ERC2: variants seen among roughly 807,000 people sequenced by gnomAD.
ERC2 encodes the protein ELKS/RAB6-interacting/CAST family member 2.
In ERC2, 42 loss-of-function variants were observed where a neutral mutation model predicts 114.8. That is an observed-to-expected ratio of 0.37 (90% CI 0.29 to 0.47). The LOEUF (loss-of-function observed/expected upper bound fraction) is 0.47. ERC2 is among the 20% of genes least tolerant of loss of function. The probability of loss-of-function intolerance (pLI) is 0.99; values close to 1 mark genes in which losing one functional copy is unlikely to be tolerated. For synonymous variants in ERC2, 454 were observed against 425.5 expected, an observed-to-expected ratio of 1.07 and a Z score of -0.82; for missense variants, 939 against 1,150.7, an observed-to-expected ratio of 0.82 and a Z score of 2.66.
chr3:56,051,156 TTGCTC>T, intron 7 of ERC2, among the ~76,000 whole-genome samples: 1 of 152,270 alleles, frequency 6.6e-6, no homozygotes, highest in South Asian at 2.1e-4. Flanking sequence ...TACCAGAACT[TTGCTC>T]TGCTTGTTGG....
intron 14 of ERC2, among the ~76,000 whole-genome samples, chr3:55,876,414 G>A (rs1037563373): frequency 4.6e-5 from 7 of 152,132 alleles, no homozygotes; most frequent in African/African-American, 9.7e-5. Flanking sequence ...CAGGCCCTGC[G>A]CTGTGTTCTC....
At chr3:55,580,889 A>G (rs2057227906) in intron 17 of ERC2, among the ~76,000 whole-genome samples, 1 of 152,176 alleles carries the variant, frequency 6.6e-6, no homozygotes, top group South Asian at 2.1e-4. Flanking sequence ...CAAACCAGGG[A>G]AAGGGATGGG....
chr3:55,759,913 T>C (rs771743097), intron 14 of ERC2, among the ~76,000 whole-genome samples: 5 of 152,260 alleles, frequency 3.3e-5, no homozygotes, highest in Non-Finnish European at 5.9e-5. Context: ...AGCATTTTGG[T>C]TGAAGTTTCC....
Position 56,446,624 on chromosome 3 carries a change from T to C in ERC2, c.-140-11477A>G, listed in dbSNP as rs199864861. 5.4e-3 allele frequency among the ~76,000 whole-genome samples: 570 copies of C among 106,406 alleles called. 6 individuals carry two copies. Among genetic ancestry groups the C allele is most frequent in the African/African-American group, 0.019 (494 of 25,800 alleles). 69.8% of individuals were successfully genotyped at this position (106,406 alleles called of 152,430 possible). The stretch of plus-strand genomic sequence containing the variant: ...GCGCATTTTCTTCTTTTTTTTTTTT[T>C]CTTTCTTTTTTTTTTTTTTGAGACG... On this transcript the variant is annotated intron_variant, in intron 1 of 17. Coordinates refer to ENST00000288221, the MANE Select transcript of ERC2 (RefSeq NM_015576.3).
In ERC2 at chr3:56,173,409, G is replaced by A. The variant is rs540001016; in HGVS notation, c.1149+37C>T. ...CCACCAAGTTAGAACAAACTCCCAAGGCATAACTGTTTCTGACAAAAGTGC... is the reference window on the plus strand; with the variant it reads ...CCACCAAGTTAGAACAAACTCCCAAAGCATAACTGTTTCTGACAAAAGTGC... On this transcript the variant is annotated intron_variant, in intron 4 of 17. Coordinates refer to ENST00000288221, the MANE Select transcript of ERC2 (RefSeq NM_015576.3). The A allele has an allele frequency of 4.4e-6, 7 of 1,590,660 alleles. No individual in the cohort carries two copies. In the South Asian group the frequency reaches 7.7e-5, roughly 18 times the overall value.
chr3:55,825,000 G>A (rs1180950863), intron 14 of ERC2, among the ~76,000 whole-genome samples: 1 of 152,062 alleles, frequency 6.6e-6, no homozygotes, highest in Non-Finnish European at 1.5e-5. Context: ...ACTATTTTAT[G>A]ATGATTTACC....
At chr3:56,153,819 C>A (rs866961453) in intron 4 of ERC2, among the ~76,000 whole-genome samples, 2 of 151,980 alleles carry the variant, frequency 1.3e-5, no homozygotes, top group Non-Finnish European at 1.5e-5. Flanking sequence ...TTTTAAATAC[C>A]GTGAGAATTA....
intron 15 of ERC2, among the ~76,000 whole-genome samples, chr3:55,719,883 T>A (rs2064350888): frequency 6.6e-6 from 1 of 152,020 alleles, no homozygotes; most frequent in African/African-American, 2.4e-5. Flanking sequence ...TGGATGGGTA[T>A]AAACACCCCT....
intron 17 of ERC2, among the ~76,000 whole-genome samples, chr3:55,682,927 T>C (rs989968349): frequency 2.6e-5 from 4 of 152,200 alleles, no homozygotes; most frequent in African/African-American, 9.7e-5. Flanking sequence ...AGGAGAGGTG[T>C]AATTCCCAGC....
intron 16 of ERC2, among the ~76,000 whole-genome samples, chr3:55,698,933 C>T (rs76414466): frequency 1.3e-5 from 2 of 152,150 alleles, no homozygotes; most frequent in Admixed American, 6.5e-5. Context: ...GCAGGCAAAA[C>T]GGATTTCTCT....
chr3:56,373,526 T>A (rs2059428271), intron 2 of ERC2, among the ~76,000 whole-genome samples: 1 of 152,182 alleles, frequency 6.6e-6, no homozygotes, highest in Non-Finnish European at 1.5e-5. Flanking sequence ...GTTGGAGAGC[T>A]TCTTGGCTTT....
intron 10 of ERC2, among the ~76,000 whole-genome samples, chr3:56,003,852 G>T (rs1210354337): frequency 6.6e-6 from 1 of 152,012 alleles, no homozygotes; most frequent in Non-Finnish European, 1.5e-5. Context: ...TCTATTTTGT[G>T]TTGAAGATTT....
intron 17 of ERC2, among the ~76,000 whole-genome samples, chr3:55,605,219 G>A (rs561451764): frequency 6.6e-6 from 1 of 152,004 alleles, no homozygotes; most frequent in Admixed American, 6.6e-5. Flanking sequence ...GGGCTCAAGG[G>A]ATCCTACAGA....
chr3:56,123,704 G>C (rs1295606351), intron 6 of ERC2, among the ~76,000 whole-genome samples: 1 of 152,148 alleles, frequency 6.6e-6, no homozygotes, highest in Non-Finnish European at 1.5e-5. Context: ...GGTCTTTTAA[G>C]AATGCAAATC....
intron 17 of ERC2, among the ~76,000 whole-genome samples, chr3:55,524,453 G>T (rs1453745526): frequency 6.6e-6 from 1 of 151,344 alleles, no homozygotes. Flanking sequence ...CTTTCTCTTG[G>T]GCTCTTCCTG....
rs1305390851 is a variant in ERC2, at chr3:55,678,277, G to A, written c.*39+5517C>T. On this transcript the variant is annotated intron_variant, in intron 17 of 17. Transcript: ENST00000288221. ...AACTCCTGAAAAGAGATTATTGAAA[G>A]CTTCTTCTGCAGAAAAATAATATAC... Among the ~76,000 whole-genome samples, 3 of 152,298 alleles carry A rather than the reference G, an allele frequency of 2.0e-5. No individual in the cohort carries two copies. In the East Asian group the frequency reaches 5.8e-4, roughly 29 times the overall value.
At chr3:55,908,520 G>A (rs926964215) in intron 13 of ERC2, among the ~76,000 whole-genome samples, 18 of 152,126 alleles carry the variant, frequency 1.2e-4, no homozygotes, top group Non-Finnish European at 2.4e-4. Flanking sequence ...ATGCTCAGAG[G>A]GAGAAGCCTT....
intron 17 of ERC2, among the ~76,000 whole-genome samples, chr3:55,677,324 T>A (rs916665836): frequency 6.6e-6 from 1 of 152,122 alleles, no homozygotes; most frequent in African/African-American, 2.4e-5. Flanking sequence ...GTAAACATGC[T>A]TTAAGTAAGG....
chr3:56,112,980 A>G (rs996363911), intron 6 of ERC2, among the ~76,000 whole-genome samples: 5 of 152,178 alleles, frequency 3.3e-5, no homozygotes, highest in Non-Finnish European at 7.3e-5. Context: ...CCAACAGGCA[A>G]TATAAAAAAA....
Sources: gnomAD v4.1 joint callset for allele counts (sites outside exome capture counted in the v4.1 genomes callset) on GRCh38, gnomAD v4.1.1 for gene constraint, MANE v1.5 for transcripts, NCBI Gene and HGNC (gene_info 2026-07-23, HGNC 2026-07-21) for gene names.